SLC13A3: variants seen among roughly 807,000 people sequenced by gnomAD.
SLC13A3 encodes the protein Na(+)/dicarboxylate cotransporter 3.
A neutral mutation model predicts 59.0 loss-of-function variants in SLC13A3; 40 were observed. The ratio of observed to expected loss-of-function variants is 0.68; its 90% CI spans 0.53 to 0.88. The LOEUF is 0.88. SLC13A3 is among the 40% of genes least tolerant of loss of function. The pLI, the probability that SLC13A3 is intolerant of heterozygous loss-of-function variation, is 0.00. For synonymous variants in SLC13A3, 317 were observed against 330.3 expected, an observed-to-expected ratio of 0.96 and a Z score of 0.44; for missense variants, 699 against 783.2, an observed-to-expected ratio of 0.89 and a Z score of 1.28.
At position 46,599,951 on chromosome 20, in the gene SLC13A3, G is replaced by C. The variant is rs1336180224; in HGVS notation, c.608+20C>G. ...TTGAATCAAGCACTGGGTCCTCTAT[G>C]AATTTCACCAGTAACTTACGCTTCT... On this transcript the variant is annotated intron_variant, in intron 4 of 12. Transcript: ENST00000279027. The C allele has an allele frequency of 6.4e-7, 1 of 1,550,694 alleles. No homozygotes were observed. Among genetic ancestry groups the C allele is most frequent in the Non-Finnish European group, 8.8e-7 (1 of 1,134,746 alleles).
intron 1 of SLC13A3, among the ~76,000 whole-genome samples, chr20:46,649,124 T>C (rs1159924418): frequency 1.3e-5 from 2 of 152,152 alleles, no homozygotes; most frequent in Admixed American, 1.3e-4. Flanking sequence ...GGGACAAGCC[T>C]GACAAGCTCC....
At chr20:46,605,338 C>T (rs1463432641) in intron 3 of SLC13A3, among the ~76,000 whole-genome samples, 1 of 152,112 alleles carries the variant, frequency 6.6e-6, no homozygotes, top group African/African-American at 2.4e-5. Context: ...AGGATCCACC[C>T]CTGTGCTTCC....
Position 46,560,055 on chromosome 20 carries a change from G to A in SLC13A3, c.1776C>T (p.Pro592=). 6.2e-7 allele frequency: 1 copy of A among 1,614,208 alleles called. No homozygotes were observed. Among genetic ancestry groups the A allele is most frequent in the African/African-American group, 1.3e-5 (1 of 75,050 alleles). ...MYSVNVTALP[P]TLANDTFRTL ...TCCGAAATGTGTCATTGGCCAAGGT[G>A]GGTGGCAATGCTGTGACATTGACCG... Residue 592 remains proline, a synonymous_variant, in exon 13 of 13, where the codon CCC becomes CCT. Transcript: ENST00000279027.
intron 1 of SLC13A3, among the ~76,000 whole-genome samples, chr20:46,635,729 G>C (rs2062789248): frequency 6.6e-6 from 1 of 152,166 alleles, no homozygotes; most frequent in African/African-American, 2.4e-5. Flanking sequence ...GGCAGCCTAA[G>C]TCACAGAATG....
intron 7 of SLC13A3, 31 bp downstream of exon 7, chr20:46,589,129 C>A (rs1187283677): frequency 1.3e-6 from 2 of 1,592,518 alleles, no homozygotes; most frequent in Non-Finnish European, 1.7e-6. Context: ...TAATACTCAG[C>A]TCTTTCCTTA....
At position 46,563,444 on chromosome 20, in the gene SLC13A3, G is replaced by A. The variant is rs546318162; in HGVS notation, c.1602C>T (p.Phe534=). 14 of 1,614,118 alleles carry A rather than the reference G, an allele frequency of 8.7e-6. 1 individual carries two copies. The South Asian group carries it at 1.1e-4, about 13-fold the overall frequency. ...PVSTPPNSIA[F]ASGHLLVKDM... ...CTTTGACCAGCAAGTGTCCAGAGGC[G>A]AAGGCGATGGAGTTGGGGGGCGTTG... Residue 534 remains phenylalanine, a synonymous_variant, in exon 12 of 13, where the codon TTC becomes TTT. Coordinates refer to ENST00000279027, the MANE Select transcript of SLC13A3 (RefSeq NM_022829.6).
At chr20:46,600,668 C>G in intron 3 of SLC13A3, 1 of 418,042 alleles carries the variant, frequency 2.4e-6, no homozygotes, top group Non-Finnish European at 5.1e-6. Context: ...CCCCAATTGT[C>G]CATTCATTCA....
chr20:46,599,032 C>T (rs1208862549), intron 4 of SLC13A3, among the ~76,000 whole-genome samples: 2 of 152,216 alleles, frequency 1.3e-5, no homozygotes, highest in Non-Finnish European at 2.9e-5. Context: ...CATATTCAAA[C>T]TGCCCCTTCC....
chr20:46,562,105 C>G (rs1037290817), intron 12 of SLC13A3, among the ~76,000 whole-genome samples: 6 of 152,176 alleles, frequency 3.9e-5, no homozygotes, highest in African/African-American at 1.4e-4. Context: ...CTCTAAGTAG[C>G]CTCCCTGCTT....
intron 1 of SLC13A3, among the ~76,000 whole-genome samples, chr20:46,667,549 C>T (rs889300233): frequency 3.3e-5 from 5 of 152,292 alleles, no homozygotes; most frequent in Middle Eastern, 6.8e-3. Context: ...TGCCAGGCTC[C>T]GTTTTCAGTA....
Position 46,586,160 on chromosome 20 carries a change from A to G in SLC13A3, c.1121+1899T>C, listed in dbSNP as rs573932766. On this transcript the variant is annotated intron_variant, in intron 8 of 12. Transcript: ENST00000279027. ...ATAGCTACCAAAAAATTTAAAATAC[A>G]TATGTGGCTCACATTATATCTCTCT... 2.0e-4 allele frequency among the ~76,000 whole-genome samples: 30 copies of G among 152,370 alleles called. 1 individual carries two copies. Among genetic ancestry groups the G allele is most frequent in the Admixed American group, 9.8e-4 (15 of 15,312 alleles).
At chr20:46,608,857 T>A in intron 3 of SLC13A3, 6 of 1,544,344 alleles carry the variant, frequency 3.9e-6, no homozygotes, top group African/African-American at 1.4e-5. Flanking sequence ...CATCTATCTC[T>A]CAAGATGTGG....
intron 1 of SLC13A3, among the ~76,000 whole-genome samples, chr20:46,632,911 A>T (rs373489763): frequency 0.034 from 1,864 of 55,176 alleles, 73 homozygotes; most frequent in Admixed American, 0.066. Context: ...ATAGATAGAT[A>T]TATCTATCTA....
At chr20:46,657,679 A>G (rs1047957084) in intron 1 of SLC13A3, among the ~76,000 whole-genome samples, 1 of 152,220 alleles carries the variant, frequency 6.6e-6, no homozygotes, top group African/African-American at 2.4e-5. Flanking sequence ...TAAAGAAAAG[A>G]GGTTTAATGA....
rs1568956578 is a variant in SLC13A3, at chr20:46,648,942, TACACACA to T, written c.111+2362_111+2368del. Among the ~76,000 whole-genome samples, 493 of 114,790 alleles carry T rather than the reference TACACACA, an allele frequency of 4.3e-3. 1 individual carries two copies. Among genetic ancestry groups the T allele is most frequent in the African/African-American group, 0.017 (476 of 27,578 alleles). 75.3% of individuals were successfully genotyped at this position (114,790 alleles called of 152,430 possible). On this transcript the variant is annotated intron_variant, in intron 1 of 12. Coordinates refer to ENST00000279027, the MANE Select transcript of SLC13A3 (RefSeq NM_022829.6). ...ACACACACACACACACACACACACA[TACACACA>T]CACACACACACACACACATAAAGGA...
chr20:46,566,097 T>G (rs1180508839), intron 11 of SLC13A3, 132 bp downstream of exon 11: 6 of 713,788 alleles, frequency 8.4e-6, no homozygotes, highest in Non-Finnish European at 1.5e-5. Context: ...GTACTGTGGT[T>G]CTGATACGTT....
At chr20:46,570,844 T>C (rs1242673673) in intron 10 of SLC13A3, among the ~76,000 whole-genome samples, 1 of 152,150 alleles carries the variant, frequency 6.6e-6, no homozygotes, top group Admixed American at 6.6e-5. Flanking sequence ...AGAATCTGGA[T>C]CTTAGTCATG....
chr20:46,606,854 C>T (rs1054019406), intron 3 of SLC13A3, among the ~76,000 whole-genome samples: 1 of 152,230 alleles, frequency 6.6e-6, no homozygotes, highest in Non-Finnish European at 1.5e-5. Flanking sequence ...TGAGAGCGTG[C>T]ATGCAGGGGG....
intron 9 of SLC13A3, among the ~76,000 whole-genome samples, chr20:46,582,082 G>C (rs140760276): frequency 9.5e-4 from 145 of 152,180 alleles, no homozygotes; most frequent in African/African-American, 3.4e-3. Context: ...GAGGCTAGGA[G>C]TTCAAGACCA....
Sources: allele counts gnomAD v4.1 joint callset (sites outside exome capture counted in the v4.1 genomes callset), GRCh38; gene constraint gnomAD v4.1.1; transcripts MANE v1.5; gene names NCBI Gene and HGNC (gene_info 2026-07-23, HGNC 2026-07-21).